SORL1: variants seen among roughly 807,000 people sequenced by gnomAD.
SORL1 encodes the protein sortilin-related receptor.
Under a neutral mutation model 273.7 loss-of-function variants are expected in SORL1, and 127 were observed. The ratio of observed to expected loss-of-function variants is 0.46; its 90% CI spans 0.40 to 0.54. The LOEUF is 0.54. Among genes scored for constraint, SORL1 ranks in the 20% least tolerant of loss-of-function variants. The pLI, the probability that SORL1 is intolerant of heterozygous loss-of-function variation, is 0.00. For missense variants in SORL1, 2,494 were observed against 2,846.1 expected (o/e 0.88, Z 2.81); for synonymous variants, 1,031 against 1,067.4 (o/e 0.97, Z 0.66).
rs1157829924 is a variant in SORL1, at chr11:121,595,267, T to A, written c.4370-356T>A. 6.6e-6 allele frequency among the ~76,000 whole-genome samples: 1 copy of A among 152,234 alleles called. No homozygotes were observed. Among genetic ancestry groups the A allele is most frequent in the East Asian group, 1.9e-4 (1 of 5,198 alleles). Reference sequence around the variant, plus strand: ...CTTTTGGAGGACTGTGTGTTGTTGATCTGATTGGTTCTGAGCTTTCTCCTG... The same window carrying A: ...CTTTTGGAGGACTGTGTGTTGTTGAACTGATTGGTTCTGAGCTTTCTCCTG... On this transcript the variant is annotated intron_variant, in intron 31 of 47. Coordinates refer to ENST00000260197, the MANE Select transcript of SORL1 (RefSeq NM_003105.6). The surrounding 1 kb of genome is among the most constrained non-coding windows in gnomAD (Gnocchi z 5.1).
intron 12 of SORL1, among the ~76,000 whole-genome samples, chr11:121,537,906 T>C (rs117133563): frequency 0.018 from 2,806 of 152,312 alleles, 49 homozygotes; most frequent in Middle Eastern, 0.048. Flanking sequence ...AAGGACCCTG[T>C]CATGTTCTCC....
chr11:121,550,579 T>A lies in SORL1; in HGVS notation c.2181-6T>A. 2 of 1,613,902 alleles carry A rather than the reference T, an allele frequency of 1.2e-6. No homozygotes were observed. The highest frequency in any genetic ancestry group is 1.7e-6 in the Non-Finnish European group (2 of 1,179,832). On this transcript the variant is annotated splice_region_variant and splice_polypyrimidine_tract_variant and intron_variant, in intron 15 of 47. Coordinates refer to ENST00000260197, the MANE Select transcript of SORL1 (RefSeq NM_003105.6). The surrounding 1 kb of genome is among the most constrained non-coding windows in gnomAD (Gnocchi z 5.3). ...CTGACCTCTTGCTCTTGGGGTGGGG[T>A]GACAGCTACCGGAAGATTTCTGGGG...
At position 121,618,783 on chromosome 11, in the gene SORL1, A is replaced by G. The variant is rs1191699739; in HGVS notation, c.5614A>G (p.Ile1872Val). ...WTGPRNVVYG[I>V]FYATSFLDLY... ...TCTCTGCTTTTACCAGGTTTATGGTATTTTCTATGCCACGTCCTTTCTTGA... is the reference window on the plus strand; with the variant it reads ...TCTCTGCTTTTACCAGGTTTATGGTGTTTTCTATGCCACGTCCTTTCTTGA... Residue 1872 changes from isoleucine (I) to valine (V), a missense_variant, in exon 42 of 48, where the codon ATT becomes GTT. This residue lies in a region of SORL1 where 1,609 missense variants were observed against 1,816.4 expected (regional missense o/e 0.89). Transcript: ENST00000260197. 6.2e-7 allele frequency: 1 copy of G among 1,614,048 alleles called. No homozygotes were observed. Among genetic ancestry groups the G allele is most frequent in the Non-Finnish European group, 8.5e-7 (1 of 1,179,984 alleles).
intron 26 of SORL1, among the ~76,000 whole-genome samples, chr11:121,585,870 T>A (rs923181108): frequency 1.3e-5 from 2 of 152,188 alleles, no homozygotes; most frequent in Non-Finnish European, 2.9e-5. Flanking sequence ...TATTAAACAG[T>A]CTGTTATTGA....
At chr11:121,493,969 G>C (rs1281499898) in intron 5 of SORL1, among the ~76,000 whole-genome samples, 1 of 152,138 alleles carries the variant, frequency 6.6e-6, no homozygotes, top group African/African-American at 2.4e-5. Flanking sequence ...AGCAAAAGTT[G>C]TGGGATCTTA....
chr11:121,471,909 C>T (rs143949971), intron 2 of SORL1, among the ~76,000 whole-genome samples: 1 of 152,234 alleles, frequency 6.6e-6, no homozygotes, highest in East Asian at 1.9e-4. Flanking sequence ...TTGTTTGGGG[C>T]AATGACTTTG....
chr11:121,519,500 G>T (rs373827167), intron 8 of SORL1, among the ~76,000 whole-genome samples: 42 of 151,450 alleles, frequency 2.8e-4, no homozygotes, highest in African/African-American at 9.7e-4. Context: ...CAAGCTCCGC[G>T]TCCCGGGTTC....
At chr11:121,511,044 T>A (rs1274810665) in intron 6 of SORL1, among the ~76,000 whole-genome samples, 1 of 152,206 alleles carries the variant, frequency 6.6e-6, no homozygotes, top group African/African-American at 2.4e-5. Flanking sequence ...TAGTGTGCCA[T>A]AGTTTAATTG....
intron 12 of SORL1, among the ~76,000 whole-genome samples, chr11:121,537,561 C>T (rs1486455704): frequency 6.6e-6 from 1 of 152,114 alleles, no homozygotes; most frequent in Non-Finnish European, 1.5e-5. Flanking sequence ...GTCCAAGGGG[C>T]GATGTCCAGC....
At chr11:121,514,349 C>A in intron 8 of SORL1, 28 bp downstream of exon 8, 1 of 1,588,426 alleles carries the variant, frequency 6.3e-7, no homozygotes, top group Non-Finnish European at 8.6e-7. Context: ...CCTTCTCCTG[C>A]CTTCTTAGGC....
At chr11:121,607,164 A>AT (rs752718559) in intron 36 of SORL1, 22 bp from the exon 37 acceptor site, 62 of 1,464,594 alleles carry the variant, frequency 4.2e-5, no homozygotes, top group Non-Finnish European at 5.4e-5. Flanking sequence ...CTTTACTCAC[A>AT]TTTTTTTTCT....
intron 6 of SORL1, among the ~76,000 whole-genome samples, chr11:121,497,473 T>G (rs2134824514): frequency 6.6e-6 from 1 of 152,370 alleles, no homozygotes; most frequent in African/African-American, 2.4e-5. Context: ...CACATGTCAA[T>G]TTACATGGCT....
intron 14 of SORL1, 81 bp downstream of exon 14, chr11:121,545,510 C>G (rs1862412723): frequency 2.3e-6 from 3 of 1,328,016 alleles, no homozygotes; most frequent in African/African-American, 2.9e-5. Flanking sequence ...AGGCATGGTC[C>G]CTTTCCCTGA....
At chr11:121,623,944 G>A (rs760315559) in intron 45 of SORL1, among the ~76,000 whole-genome samples, 6 of 152,170 alleles carry the variant, frequency 3.9e-5, no homozygotes, top group Admixed American at 6.6e-5. Flanking sequence ...ACATGGCTGC[G>A]GAGGCCTCTC....
In SORL1 at chr11:121,566,984, C is replaced by A; in HGVS notation, c.3094C>A (p.Pro1032Thr). 6.2e-7 allele frequency: 1 copy of A among 1,614,088 alleles called. No homozygotes were observed. Among genetic ancestry groups the A allele is most frequent in the Non-Finnish European group, 8.5e-7 (1 of 1,179,974 alleles). The part of the protein sequence containing the change: ...VPRPCSLLCL[P>T]KANNSRSCRC... ...CAGGCCATGCAGCCTGCTGTGCCTGCCCAAGGCCAACAACAGTAGAAGCTG... is the reference window on the plus strand; with the variant it reads ...CAGGCCATGCAGCCTGCTGTGCCTGACCAAGGCCAACAACAGTAGAAGCTG... Residue 1032 changes from proline to threonine, a missense_variant, in exon 22 of 48, where the codon CCC becomes ACC. Physicochemically the swap from Pro to Thr is conservative, Grantham distance 38. Around this residue, in one of 3 missense-constraint regions of SORL1, gnomAD observed 1,609 missense variants for 1,816.4 expected, o/e 0.89. Transcript: ENST00000260197.
chr11:121,520,791 C>T lies in SORL1; in HGVS notation c.1346C>T (p.Thr449Ile). 3 of 1,611,956 alleles carry T rather than the reference C, an allele frequency of 1.9e-6. No homozygotes were observed. Among genetic ancestry groups the T allele is most frequent in the Non-Finnish European group, 2.5e-6 (3 of 1,179,166 alleles). The change falls in exon 9 of 48, where the codon ACC becomes ATC. Residue 449 changes from threonine to isoleucine, a missense_variant. Around this residue, in one of 3 missense-constraint regions of SORL1, gnomAD observed 710 missense variants for 882.5 expected, o/e 0.80. Coordinates refer to ENST00000260197, the MANE Select transcript of SORL1 (RefSeq NM_003105.6). ...GTCATCACCTTTGACAAAGGGGGAA[C>T]CTGGGAGTTTCTTCAGGCTCCAGCC... The part of the protein sequence containing the change: ...RSVITFDKGG[T>I]WEFLQAPAFT...
rs577487514 is a variant in SORL1 at position 121,629,437 on chromosome 11, A to G, written c.6578-59A>G. The G allele has an allele frequency of 1.3e-3, 1,105 of 860,210 alleles. 6 individuals are homozygous for G. Among genetic ancestry groups the G allele is most frequent in the Non-Finnish European group, 2.8e-4 (139 of 491,468 alleles). The allele number at this position is 860,210 out of a possible 1,614,324, so 53.3% of individuals were successfully genotyped here. On this transcript the variant is annotated intron_variant, in intron 47 of 47. Transcript: ENST00000260197. ...GTTGAGGGGTGGGTAGAGTGGTGGGATATGGGGTCAGGTGAAAATGTGTTG... is the reference window on the plus strand; with the variant it reads ...GTTGAGGGGTGGGTAGAGTGGTGGGGTATGGGGTCAGGTGAAAATGTGTTG...
In SORL1 at chr11:121,488,068, A is replaced by T; in HGVS notation, c.565A>T (p.Ile189Phe). ...AGACGCTTATGCCCAGTACCTCTGG[A>T]TCACGTTTGACTTCTGCAACACTCT... is the stretch of plus-strand genomic sequence containing the variant. ...FADAYAQYLW[I>F]TFDFCNTLQG... Residue 189 changes from isoleucine to phenylalanine, a missense_variant, in exon 4 of 48, where the codon ATC (isoleucine) becomes TTC (phenylalanine). By Grantham distance (21) the Ile-to-Phe change is conservative. Around this residue, in one of 3 missense-constraint regions of SORL1, gnomAD observed 710 missense variants for 882.5 expected, o/e 0.80. Coordinates refer to ENST00000260197, the MANE Select transcript of SORL1 (RefSeq NM_003105.6). 6.2e-7 allele frequency: 1 copy of T among 1,614,138 alleles called. No individual in the cohort carries two copies. The highest frequency in any genetic ancestry group is 8.5e-7 in the Non-Finnish European group (1 of 1,180,038).
chr11:121,458,894 C>T (rs760679499), intron 1 of SORL1, among the ~76,000 whole-genome samples: 2 of 151,938 alleles, frequency 1.3e-5, no homozygotes, highest in Non-Finnish European at 2.9e-5. Context: ...TGGTGGGTTC[C>T]GTAAAAATAG....
Sources: allele counts gnomAD v4.1 joint callset (sites outside exome capture counted in the v4.1 genomes callset), GRCh38; gene constraint gnomAD v4.1.1; regional missense constraint gnomAD v4.1.1; non-coding constraint Gnocchi (gnomAD v3.1); transcripts MANE v1.5; gene names NCBI Gene and HGNC (gene_info 2026-07-23, HGNC 2026-07-21).